Variants in NPC1 observed in about 807,000 individuals in gnomAD.
NPC1 encodes the protein NPC intracellular cholesterol transporter 1.
NPC1 carries 85 observed loss-of-function variants against 140.4 expected under a neutral mutation model. That is an observed-to-expected ratio of 0.61 (90% CI 0.51 to 0.72). NPC1 has a LOEUF of 0.72. Among genes scored for constraint, NPC1 ranks in the 30% least tolerant of loss-of-function variants. NPC1 has a pLI of 0.00. For synonymous variants in NPC1, 656 were observed against 624.8 expected (o/e 1.05, Z -0.74); for missense variants, 1,504 against 1,623.8 (o/e 0.93, Z 1.27).
At position 23,539,975 on chromosome 18, in the gene NPC1, T is replaced by C; in HGVS notation, c.2631A>G (p.Lys877=). ...PDDSYMVDYF[K]SISQYLHAGP... ...CCGCATGCAGGTACTGACTGATGGA[T>C]TTGAAATAATCCACCATGTAGGAGT... The change falls in exon 18 of 25, where the codon AAA becomes AAG. Residue 877 remains lysine, a synonymous_variant. Transcript: ENST00000269228. The C allele has an allele frequency of 1.9e-6, 3 of 1,614,124 alleles. No homozygotes were observed. Among genetic ancestry groups the C allele is most frequent in the Non-Finnish European group, 2.5e-6 (3 of 1,180,006 alleles).
intron 4 of NPC1, among the ~76,000 whole-genome samples, chr18:23,563,780 TTA>T (rs1376045118): frequency 2.0e-5 from 3 of 152,164 alleles, no homozygotes; most frequent in Admixed American, 1.3e-4. Flanking sequence ...ACACTTCTTG[TTA>T]TGTGACTTTG....
In NPC1 at chr18:23,558,685, G is replaced by C. The variant is rs1221248245; in HGVS notation, c.882-1495C>G. Among the ~76,000 whole-genome samples the C allele has an allele frequency of 2.0e-5, 3 of 152,032 alleles. 1 individual carries two copies. The South Asian group carries it at 6.2e-4, about 32-fold the overall frequency. On this transcript the variant is annotated intron_variant, in intron 6 of 24. Coordinates refer to ENST00000269228, the MANE Select transcript of NPC1 (RefSeq NM_000271.5). ...AGCTAATAATAATGTAATAATAATG[G>C]CATGGTCGTGGTTTTGATCATTGTA... is the stretch of plus-strand genomic sequence containing the variant.
chr18:23,586,230 C>T, intron 1 of NPC1, 57 bp downstream of exon 1: 4 of 1,517,334 alleles, frequency 2.6e-6, no homozygotes, highest in Non-Finnish European at 3.5e-6. Flanking sequence ...TCGCCTTCCC[C>T]GGCTCTCGGC....
chr18:23,523,572 A>C (rs1207155636), intron 1 of NPC1, among the ~76,000 whole-genome samples: 13 of 144,598 alleles, frequency 9.0e-5, no homozygotes. Flanking sequence ...AAAAAAAAGA[A>C]AAAAAGTTAG....
chr18:23,543,899 C>T (rs1306042173), intron 13 of NPC1, among the ~76,000 whole-genome samples: 3 of 152,166 alleles, frequency 2.0e-5, no homozygotes, highest in Non-Finnish European at 2.9e-5. Context: ...TACAGGACGA[C>T]TGAGACCACC....
Position 23,586,418 on chromosome 18 carries a change from C to T in NPC1, c.-75G>A. ...CTCCCCGGAGGCGGCTCTACTTCCCCGGGCTGTTTCAGCACCCCGCGCAGG... is the reference window on the plus strand; with the variant it reads ...CTCCCCGGAGGCGGCTCTACTTCCCTGGGCTGTTTCAGCACCCCGCGCAGG... On this transcript the variant is annotated 5_prime_UTR_variant, in exon 1 of 25. Transcript: ENST00000269228. 2 of 1,525,604 alleles carry T rather than the reference C, an allele frequency of 1.3e-6. No individual in the cohort carries two copies. The highest frequency in any genetic ancestry group is 8.8e-7 in the Non-Finnish European group (1 of 1,142,762). The allele number at this position is 1,525,604 out of a possible 1,614,324, so 94.5% of individuals were successfully genotyped here.
chr18:23,569,211 T>C (rs945571143), intron 3 of NPC1, among the ~76,000 whole-genome samples: 3 of 152,248 alleles, frequency 2.0e-5, no homozygotes, highest in African/African-American at 7.2e-5. Flanking sequence ...GCATTTATTG[T>C]GTCCAATTAT....
chr18:23,531,893 A>AG lies in NPC1; in HGVS notation c.*308dup. 2 of 1,420,610 alleles carry AG rather than the reference A, an allele frequency of 1.4e-6. No homozygotes were observed. The highest frequency in any genetic ancestry group is 3.0e-5 in the South Asian group (2 of 66,598). 88.0% of individuals were successfully genotyped at this position (1,420,610 alleles called of 1,614,324 possible). On this transcript the variant is annotated 3_prime_UTR_variant, in exon 25 of 25. Transcript: ENST00000269228. ...AGACAGTGCATTGATTGGCCTTTAC[A>AG]GAGTGTCAGTGAGCGGATCACATTC...
chr18:23,567,279 T>C (rs1001795814), intron 4 of NPC1, among the ~76,000 whole-genome samples: 5 of 152,232 alleles, frequency 3.3e-5, no homozygotes, highest in African/African-American at 9.6e-5. Flanking sequence ...CATCAATGAA[T>C]GAGAGCTCAT....
chr18:23,556,760 ATCTGC>A, intron 7 of NPC1, 147 bp from the exon 8 acceptor site: 1 of 1,299,106 alleles, frequency 7.7e-7, no homozygotes, highest in Non-Finnish European at 1.1e-6. Flanking sequence ...TCAGCTACCT[ATCTGC>A]TCAGCAAAGC....
rs2145399319 is a variant in NPC1, at chr18:23,544,340, A to G, written c.2130+4T>C. ...CTGAGCCCTGTGAGAATATGGAAGTATACCTGGTAGGCCTGCACCAGAATG... is the reference window on the plus strand; with the variant it reads ...CTGAGCCCTGTGAGAATATGGAAGTGTACCTGGTAGGCCTGCACCAGAATG... On this transcript the variant is annotated splice_donor_region_variant and intron_variant, in intron 13 of 24. Coordinates refer to ENST00000269228, the MANE Select transcript of NPC1 (RefSeq NM_000271.5). The G allele has an allele frequency of 6.2e-7, 1 of 1,613,932 alleles. No individual in the cohort carries two copies. The highest frequency in any genetic ancestry group is 1.3e-5 in the African/African-American group (1 of 75,024).
At chr18:23,509,646 T>G (rs1365247570) in intron 3 of NPC1, 1 of 153,516 alleles carries the variant, frequency 6.5e-6, no homozygotes. Flanking sequence ...CACCGCAACC[T>G]CCGCCTCCCA....
At chr18:23,553,275 A>G (rs2058900953) in intron 9 of NPC1, among the ~76,000 whole-genome samples, 3 of 152,228 alleles carry the variant, frequency 2.0e-5, no homozygotes, top group Admixed American at 2.0e-4. Flanking sequence ...TGTAACATTA[A>G]ATGGTTGTCC....
intron 3 of NPC1, chr18:23,506,658 A>T: frequency 3.9e-6 from 1 of 257,870 alleles, no homozygotes; most frequent in Non-Finnish European, 7.5e-6. Flanking sequence ...AGAGAGAAAC[A>T]GCAGTTACGG....
At chr18:23,552,183 G>A (rs35920065) in intron 9 of NPC1, among the ~76,000 whole-genome samples, 20,270 of 152,176 alleles carry the variant, frequency 0.13, 1,610 homozygotes, top group Middle Eastern at 0.29. Context: ...CCTGTATGCC[G>A]GGTATGGTGG....
At chr18:23,523,636 C>T (rs2058209417) in intron 1 of NPC1, among the ~76,000 whole-genome samples, 1 of 150,540 alleles carries the variant, frequency 6.6e-6, no homozygotes, top group East Asian at 2.0e-4. Context: ...GGCAGGAGGA[C>T]CACTTGAGCC....
rs55809701 is a variant in NPC1, at chr18:23,544,943, A to ACCACCCC, written c.1947+16_1947+17insGGGGTGG. 2.9e-6 allele frequency: 3 copies of ACCACCCC among 1,042,302 alleles called. No homozygotes were observed. The highest frequency in any genetic ancestry group is 4.4e-5 in the Admixed American group (2 of 45,632). 64.6% of individuals were successfully genotyped at this position (1,042,302 alleles called of 1,614,324 possible). A position where few individuals can be genotyped will look rare whatever the true frequency, so the allele number is the denominator to read the frequency against. ...GCTGTTAACCTCTAGAACATACACC[A>ACCACCCC]CCCCCCCCCGGCTTACCAGAAGCCT... On this transcript the variant is annotated intron_variant, in intron 12 of 24. Coordinates refer to ENST00000269228, the MANE Select transcript of NPC1 (RefSeq NM_000271.5).
rs3837910 is a variant in NPC1, at chr18:23,544,943, A to ACCCCCC, written c.1947+11_1947+16dup. On this transcript the variant is annotated intron_variant, in intron 12 of 24. Coordinates refer to ENST00000269228, the MANE Select transcript of NPC1 (RefSeq NM_000271.5). ...GCTGTTAACCTCTAGAACATACACC[A>ACCCCCC]CCCCCCCCCGGCTTACCAGAAGCCT... The ACCCCCC allele has an allele frequency of 1.1e-3, 1,138 of 1,040,874 alleles. 44 individuals are homozygous for ACCCCCC. Among genetic ancestry groups the ACCCCCC allele is most frequent in the East Asian group, 2.3e-3 (70 of 30,500 alleles). 64.5% of individuals were successfully genotyped at this position (1,040,874 alleles called of 1,614,324 possible).
chr18:23,583,012 G>A (rs982060085), intron 1 of NPC1, among the ~76,000 whole-genome samples: 1 of 151,400 alleles, frequency 6.6e-6, no homozygotes, highest in African/African-American at 2.4e-5. Flanking sequence ...GGGAGGCTGA[G>A]GTGGAAGGAT....
Sources: allele counts gnomAD v4.1 joint callset (sites outside exome capture counted in the v4.1 genomes callset), GRCh38; gene constraint gnomAD v4.1.1; transcripts MANE v1.5; gene names NCBI Gene and HGNC (gene_info 2026-07-23, HGNC 2026-07-21).